TP53BP1: variants seen among roughly 807,000 people sequenced by gnomAD.
TP53BP1 encodes the protein TP53-binding protein 1.
Under a neutral mutation model 200.8 loss-of-function variants are expected in TP53BP1, and 61 were observed. That is an observed-to-expected ratio of 0.30 (90% CI 0.25 to 0.38). The LOEUF (loss-of-function observed/expected upper bound fraction) is 0.38, where lower values mean the gene tolerates loss of function less well. Ranked by LOEUF, TP53BP1 falls within the 10% of genes least tolerant of loss-of-function variation. TP53BP1 has a pLI of 1.00. For synonymous variants in TP53BP1, 822 were observed against 844.3 expected (o/e 0.97, Z 0.46); for missense variants, 2,144 against 2,371.9 (o/e 0.90, Z 2.00).
At chr15:43,453,263 T>C (rs1005065577) in intron 12 of TP53BP1, among the ~76,000 whole-genome samples, 1 of 151,008 alleles carries the variant, frequency 6.6e-6, no homozygotes, top group Non-Finnish European at 1.5e-5. Context: ...AGACCTGATA[T>C]TTTGTTGGCA....
intron 12 of TP53BP1, among the ~76,000 whole-genome samples, chr15:43,453,975 G>A (rs889404392): frequency 3.9e-5 from 6 of 152,224 alleles, no homozygotes; most frequent in African/African-American, 1.4e-4. Context: ...TGGAGGCCGA[G>A]GAAGGCAGAT....
intron 12 of TP53BP1, among the ~76,000 whole-genome samples, chr15:43,455,435 T>C (rs918389401): frequency 1.3e-5 from 2 of 152,098 alleles, no homozygotes; most frequent in African/African-American, 4.8e-5. Context: ...AAAAATACAA[T>C]CCAGGTTGGG....
intron 23 of TP53BP1, chr15:43,415,221 TCTGGAGACCAAG>T: frequency 4.6e-6 from 1 of 218,784 alleles, no homozygotes; most frequent in South Asian, 6.8e-5. Context: ...TTTTTTTTTT[TCTGGAGACCAAG>T]TTTCACTCTT....
intron 14 of TP53BP1, among the ~76,000 whole-genome samples, chr15:43,444,728 A>G (rs766266993): frequency 3.3e-5 from 5 of 152,184 alleles, no homozygotes; most frequent in Admixed American, 6.5e-5. Context: ...AAAATGTATT[A>G]GCTAAAATTA....
At chr15:43,420,827 T>TC (rs935099220) in intron 20 of TP53BP1, 92 bp from the exon 21 acceptor site, 1 of 1,327,618 alleles carries the variant, frequency 7.5e-7, no homozygotes, top group African/African-American at 1.5e-5. Context: ...TCCATGGGTC[T>TC]CCTCAGCCCA....
At chr15:43,462,718 C>CT (rs1001932605) in intron 11 of TP53BP1, among the ~76,000 whole-genome samples, 4 of 152,120 alleles carry the variant, frequency 2.6e-5, no homozygotes, top group African/African-American at 7.2e-5. Context: ...CTATAAATAC[C>CT]TTTTTTTAAA....
In TP53BP1 at chr15:43,413,194, C is replaced by T. The variant is rs1045342080; in HGVS notation, c.5230G>A (p.Ala1744Thr). The change falls in exon 24 of 28, where the codon GCC becomes ACC. Residue 1744 changes from alanine (A) to threonine (T), a missense_variant. Physicochemically the swap from Ala to Thr is moderately conservative, Grantham distance 58. Around this residue, in one of 4 missense-constraint regions of TP53BP1, gnomAD observed 334 missense variants for 453.4 expected, o/e 0.74. Coordinates refer to ENST00000382044, the MANE Select transcript of TP53BP1 (RefSeq NM_001141980.3). ...FLGYAFLLTMATTSDKLASRS... is the reference protein window; with the variant it reads ...FLGYAFLLTMTTTSDKLASRS... ...CTGGCCAACTTGTCACTGGTTGTGG[C>T]CATGGTAAGGAGAAATGCGTAGCCC... is the stretch of plus-strand genomic sequence containing the variant. The T allele has an allele frequency of 6.2e-7, 1 of 1,614,154 alleles. No individual in the cohort carries two copies. Among genetic ancestry groups the T allele is most frequent in the Non-Finnish European group, 8.5e-7 (1 of 1,180,036 alleles).
intron 15 of TP53BP1, among the ~76,000 whole-genome samples, chr15:43,439,484 T>C (rs1346280391): frequency 6.6e-6 from 1 of 152,138 alleles, no homozygotes; most frequent in Non-Finnish European, 1.5e-5. Flanking sequence ...TGCAGTGAAC[T>C]GTGATTGCAC....
intron 14 of TP53BP1, among the ~76,000 whole-genome samples, chr15:43,444,578 G>C (rs903541861): frequency 6.6e-6 from 1 of 152,186 alleles, no homozygotes; most frequent in Non-Finnish European, 1.5e-5. Flanking sequence ...TACTAGCTAT[G>C]TTTAGGGAAG....
At chr15:43,455,556 C>A (rs2046272945) in intron 12 of TP53BP1, among the ~76,000 whole-genome samples, 1 of 151,988 alleles carries the variant, frequency 6.6e-6, no homozygotes, top group South Asian at 2.1e-4. Flanking sequence ...CCCATCTCTA[C>A]TAAAAATACA....
At chr15:43,425,238 T>C (rs2045499811) in intron 18 of TP53BP1, among the ~76,000 whole-genome samples, 1 of 152,196 alleles carries the variant, frequency 6.6e-6, no homozygotes, top group Admixed American at 6.5e-5. Flanking sequence ...GCGTTTCATG[T>C]TTCTCAGGAC....
chr15:43,436,442 C>G (rs1042285019), intron 16 of TP53BP1, among the ~76,000 whole-genome samples: 4 of 151,748 alleles, frequency 2.6e-5, no homozygotes, highest in African/African-American at 9.7e-5. Context: ...ATATAAGTAT[C>G]ATATATTCCA....
intron 23 of TP53BP1, chr15:43,415,285 G>T: frequency 2.7e-6 from 1 of 370,994 alleles, no homozygotes; most frequent in South Asian, 2.3e-5. Flanking sequence ...TCGGCTCACT[G>T]CAACCTCCGC....
intron 14 of TP53BP1, among the ~76,000 whole-genome samples, chr15:43,444,885 T>C (rs543075775): frequency 6.6e-6 from 1 of 152,304 alleles, no homozygotes; most frequent in South Asian, 2.1e-4. Flanking sequence ...TGCCTCCCTC[T>C]TTTGGATCCT....
At chr15:43,418,505 CAAA>C (rs56948846) in intron 21 of TP53BP1, among the ~76,000 whole-genome samples, 5 of 110,788 alleles carry the variant, frequency 4.5e-5, no homozygotes, top group Admixed American at 9.4e-5. Flanking sequence ...AACTGTGTCT[CAAA>C]AAAAAAAAAA....
chr15:43,458,377 T>C (rs1732448609), intron 11 of TP53BP1, among the ~76,000 whole-genome samples: 1 of 151,504 alleles, frequency 6.6e-6, no homozygotes, highest in Non-Finnish European at 1.5e-5. Context: ...AGGCAGAGGT[T>C]GCAGTGAGCT....
In TP53BP1 at chr15:43,420,669, T is replaced by C. The variant is rs2045373987; in HGVS notation, c.4317A>G (p.Lys1439=). The C allele has an allele frequency of 2.5e-6, 4 of 1,614,178 alleles. No homozygotes were observed. The highest frequency in any genetic ancestry group is 3.4e-6 in the Non-Finnish European group (4 of 1,180,030). ...CTCGGGGCACGACACGGCTGAAGGATTTATCATCTGGTGACAAGTTAGGTG... is the reference window on the plus strand; with the variant it reads ...CTCGGGGCACGACACGGCTGAAGGACTTATCATCTGGTGACAAGTTAGGTG... ...DISPNLSPDD[K]SFSRVVPRVP... Residue 1439 remains lysine, a synonymous_variant, in exon 21 of 28, where the codon AAA becomes AAG. Transcript: ENST00000382044.
At position 43,404,712 on chromosome 15, in the gene TP53BP1, G is replaced by T; in HGVS notation, c.*2671C>A. The T allele has an allele frequency of 1.3e-6, 1 of 763,546 alleles. No homozygotes were observed. Among genetic ancestry groups the T allele is most frequent in the Non-Finnish European group, 2.0e-6 (1 of 493,900 alleles). The allele number at this position is 763,546 out of a possible 1,614,324, so 47.3% of individuals were successfully genotyped here. A position where few individuals can be genotyped will look rare whatever the true frequency, so the allele number is the denominator to read the frequency against. ...ACCATCTTTAATAATTTTAATGGAGGTTATTTTCTAGTAGAAGTCATCATC... is the reference window on the plus strand; with the variant it reads ...ACCATCTTTAATAATTTTAATGGAGTTTATTTTCTAGTAGAAGTCATCATC... On this transcript the variant is annotated 3_prime_UTR_variant, in exon 28 of 28. Coordinates refer to ENST00000382044, the MANE Select transcript of TP53BP1 (RefSeq NM_001141980.3).
chr15:43,431,531 C>T (rs888838754), intron 17 of TP53BP1, among the ~76,000 whole-genome samples: 2 of 152,160 alleles, frequency 1.3e-5, no homozygotes, highest in African/African-American at 4.8e-5. Flanking sequence ...AGGCATGTGC[C>T]ACCAGGCACA....
Sources: gnomAD v4.1 joint callset for allele counts (sites outside exome capture counted in the v4.1 genomes callset) on GRCh38, gnomAD v4.1.1 for gene constraint, gnomAD v4.1.1 regional missense constraint, MANE v1.5 for transcripts, NCBI Gene and HGNC (gene_info 2026-07-23, HGNC 2026-07-21) for gene names.